CNTNAP2: variants seen among roughly 807,000 people sequenced by gnomAD.
The protein encoded by CNTNAP2 is contactin-associated protein-like 2.
Under a neutral mutation model 155.2 loss-of-function variants are expected in CNTNAP2, and 98 were observed. The observed-to-expected ratio is 0.63, with a 90% CI of 0.54 to 0.75. The LOEUF (loss-of-function observed/expected upper bound fraction) is 0.75, where lower values mean the gene tolerates loss of function less well. Among genes scored for constraint, CNTNAP2 ranks in the 30% least tolerant of loss-of-function variants. The pLI is 0.00. For missense variants in CNTNAP2, 1,727 were observed against 1,688.1 expected, an observed-to-expected ratio of 1.02 and a Z score of -0.40; for synonymous variants, 651 against 631.2, an observed-to-expected ratio of 1.03 and a Z score of -0.47.
intron 1 of CNTNAP2, among the ~76,000 whole-genome samples, chr7:146,212,756 A>G (rs1799056016): frequency 6.6e-6 from 1 of 152,106 alleles, no homozygotes; most frequent in African/African-American, 2.4e-5. Flanking sequence ...AATACTGATC[A>G]CTCCAGCATG....
chr7:147,497,766 T>C (rs1798735193), intron 11 of CNTNAP2, among the ~76,000 whole-genome samples: 1 of 152,168 alleles, frequency 6.6e-6, no homozygotes, highest in Non-Finnish European at 1.5e-5. Flanking sequence ...GATAGAGATT[T>C]CCTGAGATAA....
intron 14 of CNTNAP2, among the ~76,000 whole-genome samples, chr7:147,918,513 T>C (rs1040714499): frequency 3.3e-5 from 5 of 152,226 alleles, no homozygotes; most frequent in African/African-American, 4.8e-5. Flanking sequence ...CATACTCACA[T>C]AGACACTGAC....
At chr7:148,105,999 G>T (rs894232683) in intron 15 of CNTNAP2, among the ~76,000 whole-genome samples, 1 of 152,210 alleles carries the variant, frequency 6.6e-6, no homozygotes, top group African/African-American at 2.4e-5. Context: ...CCAGGCAAGA[G>T]ACAATGCAGA....
chr7:146,724,751 A>T (rs1312618369), intron 1 of CNTNAP2, among the ~76,000 whole-genome samples: 1 of 151,358 alleles, frequency 6.6e-6, no homozygotes, highest in Non-Finnish European at 1.5e-5. Flanking sequence ...TTGTATTTTT[A>T]GTAGCGACAG....
chr7:146,975,552 G>A (rs1797893333), intron 3 of CNTNAP2, among the ~76,000 whole-genome samples: 1 of 152,164 alleles, frequency 6.6e-6, no homozygotes, highest in South Asian at 2.1e-4. Context: ...TGAGAGTGCA[G>A]GCGTGAAGTA....
intron 2 of CNTNAP2, chr7:146,782,242 G>A (rs144510067): frequency 6.6e-6 from 1 of 152,216 alleles, no homozygotes; most frequent in East Asian, 1.9e-4. Flanking sequence ...GAAGTAATCG[G>A]TGAAGTGATA....
intron 13 of CNTNAP2, among the ~76,000 whole-genome samples, chr7:147,777,838 A>G (rs192867674): frequency 2.5e-4 from 38 of 152,240 alleles, no homozygotes; most frequent in Non-Finnish European, 5.3e-4. Flanking sequence ...ACTTCCTGCA[A>G]TTTCTCTAAG....
rs111544223 is a variant in CNTNAP2 at position 147,785,033 on chromosome 7, A to G, written c.2099-118532A>G. On this transcript the variant is annotated intron_variant, in intron 13 of 23. Transcript: ENST00000361727. Reference sequence around the variant, plus strand: ...AAACCATGATTTTATATTTGCAAATATAACACTGGAGTTGGATGTGGCTTT... The same window carrying G: ...AAACCATGATTTTATATTTGCAAATGTAACACTGGAGTTGGATGTGGCTTT... 5.6e-4 allele frequency among the ~76,000 whole-genome samples: 86 copies of G among 152,274 alleles called. 1 individual carries two copies. Among genetic ancestry groups the G allele is most frequent in the African/African-American group, 2.0e-3 (83 of 41,556 alleles).
chr7:148,183,354 T>C (rs924698476), intron 18 of CNTNAP2, among the ~76,000 whole-genome samples: 3 of 152,212 alleles, frequency 2.0e-5, no homozygotes, highest in African/African-American at 7.2e-5. Context: ...GGGAGAAGAC[T>C]CTTTGGAAAA....
chr7:147,338,695 G>A (rs892185039), intron 9 of CNTNAP2, among the ~76,000 whole-genome samples: 2 of 151,860 alleles, frequency 1.3e-5, no homozygotes, highest in Middle Eastern at 3.2e-3. Flanking sequence ...ATACTAATTA[G>A]CATTTTAAAT....
At position 147,851,043 on chromosome 7, in the gene CNTNAP2, C is replaced by T. The variant is rs188635704; in HGVS notation, c.2099-52522C>T. Among the ~76,000 whole-genome samples the T allele has an allele frequency of 1.2e-3, 188 of 152,292 alleles. 3 individuals are homozygous for T. The highest frequency in any genetic ancestry group is 9.8e-3 in the Admixed American group (150 of 15,294). On this transcript the variant is annotated intron_variant, in intron 13 of 23. Transcript: ENST00000361727. ...ACCCATCTGACAAAGGGCTAATATC[C>T]AGAATCTATAAAGAACTCAAACAAA...
At chr7:146,691,280 T>G (rs960042650) in intron 1 of CNTNAP2, among the ~76,000 whole-genome samples, 2 of 151,638 alleles carry the variant, frequency 1.3e-5, no homozygotes, top group Admixed American at 6.6e-5. Context: ...CATGTAAAGA[T>G]GCTCCTCGAT....
chr7:147,353,081 TTA>T (rs139829172), intron 9 of CNTNAP2, among the ~76,000 whole-genome samples: 2 of 139,802 alleles, frequency 1.4e-5, no homozygotes, highest in African/African-American at 2.7e-5. Context: ...GTAGAATTCT[TTA>T]TATATATATA....
At chr7:147,097,745 T>C (rs1026483790) in intron 4 of CNTNAP2, 1 of 152,192 alleles carries the variant, frequency 6.6e-6, no homozygotes, top group Non-Finnish European at 1.5e-5. Context: ...ATAGAAATTT[T>C]GGATAGCTAA....
chr7:146,171,757 T>G (rs1416657000), intron 1 of CNTNAP2, among the ~76,000 whole-genome samples: 1 of 152,040 alleles, frequency 6.6e-6, no homozygotes, highest in Non-Finnish European at 1.5e-5. Context: ...AATGTGTAAA[T>G]TTAATAAACT....
intron 3 of CNTNAP2, among the ~76,000 whole-genome samples, chr7:146,910,513 TATCTG>T (rs1796249735): frequency 1.3e-5 from 2 of 150,956 alleles, no homozygotes; most frequent in African/African-American, 4.9e-5. Flanking sequence ...TACCTACAAC[TATCTG>T]ATCTTTGACA....
intron 11 of CNTNAP2, among the ~76,000 whole-genome samples, chr7:147,554,396 T>A (rs1799910356): frequency 6.6e-6 from 1 of 151,784 alleles, no homozygotes; most frequent in Non-Finnish European, 1.5e-5. Flanking sequence ...TTTGAAACAG[T>A]GCCTTGAAGC....
At chr7:148,196,943 T>C (rs533530757) in intron 18 of CNTNAP2, among the ~76,000 whole-genome samples, 7 of 152,294 alleles carry the variant, frequency 4.6e-5, no homozygotes, top group Non-Finnish European at 7.4e-5. Flanking sequence ...TAGAAGTAAG[T>C]GCTTTCACTT....
At chr7:148,059,329 A>G (rs1803086028) in intron 15 of CNTNAP2, among the ~76,000 whole-genome samples, 2 of 151,904 alleles carry the variant, frequency 1.3e-5, no homozygotes, top group African/African-American at 4.8e-5. Context: ...GGTGGCTCAC[A>G]CCTATAATCC....
Sources: gnomAD v4.1 joint callset for allele counts (sites outside exome capture counted in the v4.1 genomes callset) on GRCh38, gnomAD v4.1.1 for gene constraint, MANE v1.5 for transcripts, NCBI Gene and HGNC (gene_info 2026-07-23, HGNC 2026-07-21) for gene names.